FAM193A: variants seen among roughly 807,000 people sequenced by gnomAD.
FAM193A encodes the protein family with sequence similarity 193 member A, also known as protein FAM193A.
FAM193A carries 22 observed loss-of-function variants against 126.5 expected under a neutral mutation model. The ratio of observed to expected loss-of-function variants is 0.17; its 90% confidence interval spans 0.12 to 0.25. The LOEUF is 0.25. FAM193A is among the 10% of genes least tolerant of loss of function. The pLI is 1.00. For missense variants in FAM193A, 1,675 were observed against 1,672.8 expected (o/e 1.00, Z -0.02); for synonymous variants, 761 against 646.8 (o/e 1.18, Z -2.68).
At chr4:2,665,275 A>T (rs1712983532) in intron 12 of FAM193A, among the ~76,000 whole-genome samples, 1 of 152,208 alleles carries the variant, frequency 6.6e-6, no homozygotes, top group Admixed American at 6.5e-5. Context: ...TAATACATAG[A>T]AATACAATTG....
intron 2 of FAM193A, among the ~76,000 whole-genome samples, chr4:2,623,179 C>CT (rs1314740790): frequency 2.6e-4 from 39 of 149,594 alleles, no homozygotes; most frequent in South Asian, 4.2e-4. Flanking sequence ...CCCCTGCTGT[C>CT]TTTTTTTTTT....
chr4:2,726,045 C>T (rs1294409501), intron 20 of FAM193A, among the ~76,000 whole-genome samples: 1 of 152,114 alleles, frequency 6.6e-6, no homozygotes, highest in Non-Finnish European at 1.5e-5. Flanking sequence ...ACTACAGGCG[C>T]CCGCCACCAC....
chr4:2,606,645 T>A (rs1741566748), intron 2 of FAM193A, among the ~76,000 whole-genome samples: 1 of 152,242 alleles, frequency 6.6e-6, no homozygotes. Flanking sequence ...TGCCCATGCG[T>A]GGCTTGTAAC....
chr4:2,718,561 A>G (rs1184130875), intron 20 of FAM193A, among the ~76,000 whole-genome samples: 1 of 151,942 alleles, frequency 6.6e-6, no homozygotes, highest in African/African-American at 2.4e-5. Context: ...CTGTCTCTAC[A>G]AAAAATACAA....
intron 19 of FAM193A, among the ~76,000 whole-genome samples, chr4:2,706,918 C>G (rs952130817): frequency 2.0e-5 from 3 of 151,070 alleles, no homozygotes; most frequent in African/African-American, 7.3e-5. Flanking sequence ...GTCAGGAGTT[C>G]GAGATCAGCC....
intron 20 of FAM193A, among the ~76,000 whole-genome samples, chr4:2,726,526 G>A (rs1439575948): frequency 6.6e-6 from 1 of 152,144 alleles, no homozygotes; most frequent in African/African-American, 2.4e-5. Flanking sequence ...GGTACTGGCA[G>A]TTTGGCTCCG....
intron 7 of FAM193A, among the ~76,000 whole-genome samples, chr4:2,653,763 A>G (rs1350874658): frequency 1.3e-5 from 2 of 152,012 alleles, no homozygotes; most frequent in African/African-American, 2.4e-5. Flanking sequence ...TTTTATTTTC[A>G]CTGTCTTGTG....
chr4:2,686,181 T>C (rs1044309518), intron 13 of FAM193A, among the ~76,000 whole-genome samples: 3 of 152,256 alleles, frequency 2.0e-5, no homozygotes, highest in African/African-American at 7.2e-5. Flanking sequence ...TTTTTGTTAC[T>C]GATCCCTGTT....
intron 8 of FAM193A, 97 bp from the exon 9 acceptor site, chr4:2,659,461 G>A (rs896786624): frequency 5.9e-5 from 50 of 848,852 alleles, no homozygotes; most frequent in Admixed American, 1.1e-4. Flanking sequence ...AGCAGTGCCC[G>A]TGAACATGAT....
intron 18 of FAM193A, 77 bp downstream of exon 18, chr4:2,696,670 G>A (rs1717075474): frequency 2.7e-6 from 3 of 1,123,748 alleles, no homozygotes; most frequent in East Asian, 5.0e-5. Context: ...CAGTCTCTAG[G>A]CAGGGCTGAG....
chr4:2,610,798 C>A (rs193090417), intron 2 of FAM193A, among the ~76,000 whole-genome samples: 1 of 151,866 alleles, frequency 6.6e-6, no homozygotes, highest in Non-Finnish European at 1.5e-5. Flanking sequence ...AGTGCAATGG[C>A]GCGATCTCGG....
At chr4:2,644,549 G>A (rs1274060686) in intron 6 of FAM193A, among the ~76,000 whole-genome samples, 3 of 152,204 alleles carry the variant, frequency 2.0e-5, no homozygotes, top group Admixed American at 2.0e-4. Flanking sequence ...GGCAGAAACA[G>A]CCTTAGGAGA....
intron 12 of FAM193A, among the ~76,000 whole-genome samples, chr4:2,667,594 T>C (rs1713268105): frequency 6.6e-6 from 1 of 152,222 alleles, no homozygotes; most frequent in African/African-American, 2.4e-5. Flanking sequence ...GTCCGTTTTA[T>C]TTGTTAGTAT....
At chr4:2,576,879 A>T (rs1213803993) in intron 1 of FAM193A, among the ~76,000 whole-genome samples, 2 of 152,226 alleles carry the variant, frequency 1.3e-5, no homozygotes, top group African/African-American at 4.8e-5. Context: ...TAAGGGGCTC[A>T]TGGAGATACT....
chr4:2,627,974 C>T (rs1013203754), intron 4 of FAM193A, among the ~76,000 whole-genome samples: 5 of 152,018 alleles, frequency 3.3e-5, no homozygotes, highest in Non-Finnish European at 5.9e-5. Context: ...GATCTCCTGA[C>T]GTTGTGATCT....
At chr4:2,591,188 G>A (rs1740551886) in intron 1 of FAM193A, among the ~76,000 whole-genome samples, 1 of 152,078 alleles carries the variant, frequency 6.6e-6, no homozygotes, top group African/African-American at 2.4e-5. Flanking sequence ...GGAAAGGCGG[G>A]GAGATTGGTG....
At chr4:2,626,365 C>T (rs910943912) in intron 3 of FAM193A, 45 bp from the exon 4 acceptor site, 21 of 681,572 alleles carry the variant, frequency 3.1e-5, no homozygotes, top group African/African-American at 2.3e-4. Context: ...TGAGGAAGGG[C>T]AGCAGATTGT....
intron 7 of FAM193A, chr4:2,654,690 A>C: frequency 6.2e-6 from 1 of 161,820 alleles, no homozygotes; most frequent in South Asian, 1.9e-4. Flanking sequence ...AATTGGCACC[A>C]ATATTGAATC....
At chr4:2,669,867 ACTTGGC>A in intron 12 of FAM193A, among the ~76,000 whole-genome samples, 2 of 152,230 alleles carry the variant, frequency 1.3e-5, no homozygotes, top group East Asian at 3.9e-4. Flanking sequence ...CATCCTAGGG[ACTTGGC>A]CTTTGGCTGC....
Sources: gnomAD v4.1 joint callset for allele counts (sites outside exome capture counted in the v4.1 genomes callset) on GRCh38, gnomAD v4.1.1 for gene constraint, MANE v1.5 for transcripts, NCBI Gene and HGNC (gene_info 2026-07-23, HGNC 2026-07-21) for gene names.